Variants in RBFOX1 observed in about 807,000 individuals in gnomAD.
RBFOX1 encodes the protein RNA binding protein fox-1 homolog 1.
A neutral mutation model predicts 57.7 loss-of-function variants in RBFOX1; 8 were observed. The observed-to-expected ratio is 0.14, with a 90% confidence interval of 0.08 to 0.25. RBFOX1 has a LOEUF of 0.25. Ranked by LOEUF, RBFOX1 falls within the 10% of genes least tolerant of loss-of-function variation. The pLI is 1.00. For synonymous variants in RBFOX1, 326 were observed against 222.4 expected, an observed-to-expected ratio of 1.47 and a Z score of -4.15; for missense variants, 611 against 548.5, an observed-to-expected ratio of 1.11 and a Z score of -1.14.
chr16:6,560,758 G>T (rs1476595634), intron 2 of RBFOX1, among the ~76,000 whole-genome samples: 3 of 152,188 alleles, frequency 2.0e-5, no homozygotes, highest in African/African-American at 7.2e-5. Context: ...TGATTATGTG[G>T]TTGATGTCTG....
intron 4 of RBFOX1, among the ~76,000 whole-genome samples, chr16:5,968,384 A>G (rs1213157653): frequency 6.6e-6 from 1 of 152,022 alleles, no homozygotes; most frequent in Admixed American, 6.6e-5. Flanking sequence ...TCTCCAGTAC[A>G]TTTTTAGGGG....
At chr16:7,220,569 T>C (rs2092648179) in intron 4 of RBFOX1, among the ~76,000 whole-genome samples, 1 of 152,112 alleles carries the variant, frequency 6.6e-6, no homozygotes, top group East Asian at 1.9e-4. Flanking sequence ...GTGTGGCTCT[T>C]GGAAACGACA....
At chr16:5,880,730 A>G (rs1023178041) in intron 4 of RBFOX1, among the ~76,000 whole-genome samples, 1 of 152,184 alleles carries the variant, frequency 6.6e-6, no homozygotes, top group Non-Finnish European at 1.5e-5. Flanking sequence ...CCCCTTGGAC[A>G]TCTGGGGAGA....
chr16:7,392,455 A>C (rs1006794278), intron 4 of RBFOX1, among the ~76,000 whole-genome samples: 2 of 152,208 alleles, frequency 1.3e-5, no homozygotes, highest in Non-Finnish European at 2.9e-5. Flanking sequence ...GCAGTTATCA[A>C]ATAAAATTGT....
chr16:6,365,895 A>G (rs17139965), intron 2 of RBFOX1, among the ~76,000 whole-genome samples: 12,428 of 152,188 alleles, frequency 0.082, 1,699 homozygotes, highest in African/African-American at 0.28. Flanking sequence ...TAGAGAGAGC[A>G]TTTTGATTAA....
intron 1 of RBFOX1, among the ~76,000 whole-genome samples, chr16:6,298,709 G>C (rs1395283173): frequency 2.0e-5 from 3 of 152,174 alleles, no homozygotes; most frequent in Non-Finnish European, 4.4e-5. Flanking sequence ...AGCAGTGTTC[G>C]AGAATGACAA....
intron 4 of RBFOX1, among the ~76,000 whole-genome samples, chr16:7,259,432 C>G (rs1257087133): frequency 1.3e-5 from 2 of 151,896 alleles, no homozygotes; most frequent in Non-Finnish European, 2.9e-5. Flanking sequence ...GAGTGAGACC[C>G]CTGTAGAGTT....
At chr16:5,733,021 G>C (rs9931378) in intron 3 of RBFOX1, among the ~76,000 whole-genome samples, 59,678 of 152,014 alleles carry the variant, frequency 0.39, 16,714 homozygotes, top group East Asian at 0.81. Flanking sequence ...ACACATTTTT[G>C]AAAACTCATC....
intron 3 of RBFOX1, among the ~76,000 whole-genome samples, chr16:5,784,429 A>AC (rs2054430503): frequency 7.4e-6 from 1 of 135,898 alleles, no homozygotes; most frequent in Middle Eastern, 3.8e-3. Context: ...TCCGTCTGAA[A>AC]CAAAAAAAAA....
chr16:5,859,826 C>T (rs575906994), intron 3 of RBFOX1, among the ~76,000 whole-genome samples: 15 of 152,168 alleles, frequency 9.9e-5, no homozygotes, highest in Non-Finnish European at 2.2e-4. Flanking sequence ...ACTTAGTAAC[C>T]GTTTATTATA....
intron 2 of RBFOX1, among the ~76,000 whole-genome samples, chr16:5,526,286 TTA>T (rs1426466358): frequency 1.7e-5 from 2 of 119,210 alleles, no homozygotes; most frequent in Non-Finnish European, 3.7e-5. Context: ...TCCACTCCCT[TTA>T]TTATTATTAT....
intron 4 of RBFOX1, among the ~76,000 whole-genome samples, chr16:7,252,375 G>A (rs1408926300): frequency 1.3e-5 from 2 of 152,222 alleles, no homozygotes; most frequent in Non-Finnish European, 2.9e-5. Context: ...TACAAGTAAA[G>A]GTTACACATC....
chr16:6,093,693 C>T (rs377330723), intron 1 of RBFOX1, among the ~76,000 whole-genome samples: 4 of 152,212 alleles, frequency 2.6e-5, no homozygotes, highest in East Asian at 1.9e-4. Flanking sequence ...TCAAGTGTAG[C>T]TCCCTGCAGC....
chr16:6,759,285 G>C (rs2154197318), intron 3 of RBFOX1, among the ~76,000 whole-genome samples: 1 of 152,140 alleles, frequency 6.6e-6, no homozygotes, highest in African/African-American at 2.4e-5. Flanking sequence ...CAAGTAGCTG[G>C]GATTACAGGT....
chr16:6,815,566 A>G (rs2089888118), intron 3 of RBFOX1, among the ~76,000 whole-genome samples: 1 of 152,184 alleles, frequency 6.6e-6, no homozygotes, highest in African/African-American at 2.4e-5. Flanking sequence ...TCCATACAGT[A>G]TCTCATTTAA....
chr16:6,688,881 T>C (rs1336601264), intron 3 of RBFOX1, among the ~76,000 whole-genome samples: 1 of 152,204 alleles, frequency 6.6e-6, no homozygotes, highest in Non-Finnish European at 1.5e-5. Flanking sequence ...AGGGAGAACA[T>C]GCAGTACTTG....
intron 4 of RBFOX1, among the ~76,000 whole-genome samples, chr16:7,456,570 G>A (rs1356064894): frequency 6.6e-6 from 1 of 152,208 alleles, no homozygotes. Flanking sequence ...GGTCTCAGCA[G>A]TCATTTCAAA....
At chr16:6,251,701 C>G (rs899843564) in intron 1 of RBFOX1, among the ~76,000 whole-genome samples, 6 of 152,134 alleles carry the variant, frequency 3.9e-5, no homozygotes, top group South Asian at 2.1e-4. Flanking sequence ...AGGGAACAAC[C>G]AAATTACAAA....
chr16:5,497,982 AAC>A (rs1350484685), intron 2 of RBFOX1, among the ~76,000 whole-genome samples: 1 of 152,096 alleles, frequency 6.6e-6, no homozygotes, highest in Non-Finnish European at 1.5e-5. Context: ...AGAGGGAAAA[AAC>A]ATGTGCAAAG....
Sources: gnomAD v4.1 joint callset for allele counts (sites outside exome capture counted in the v4.1 genomes callset) on GRCh38, gnomAD v4.1.1 for gene constraint, MANE v1.5 for transcripts, NCBI Gene and HGNC (gene_info 2026-07-23, HGNC 2026-07-21) for gene names.